The following RARB variants were observed in gnomAD, a reference collection of about 807,000 sequenced individuals.
RARB encodes the protein HBV-activated protein.
Under a neutral mutation model 51.9 loss-of-function variants are expected in RARB, and 17 were observed. That is an observed-to-expected ratio of 0.33 (90% CI 0.22 to 0.49). The LOEUF (loss-of-function observed/expected upper bound fraction) is 0.49, where lower values mean the gene tolerates loss of function less well. RARB is among the 20% of genes least tolerant of loss of function. The pLI is 0.99. For synonymous variants in RARB, 215 were observed against 195.4 expected, an observed-to-expected ratio of 1.10 and a Z score of -0.84; for missense variants, 369 against 550.8, an observed-to-expected ratio of 0.67 and a Z score of 3.30.
At chr3:25,052,882 T>C (rs1321106027) in intron 2 of RARB, among the ~76,000 whole-genome samples, 2 of 148,470 alleles carry the variant, frequency 1.3e-5, no homozygotes, top group Non-Finnish European at 3.0e-5. Context: ...GGTAAAAAAG[T>C]CATAGAAAAA....
intron 2 of RARB, among the ~76,000 whole-genome samples, chr3:24,892,361 C>T (rs1191080058): frequency 1.3e-5 from 2 of 152,084 alleles, no homozygotes; most frequent in East Asian, 1.9e-4. Flanking sequence ...CTGAATCTAT[C>T]ACTAAAGACT....
chr3:25,516,068 C>T (rs1477109675), intron 3 of RARB, among the ~76,000 whole-genome samples: 1 of 152,168 alleles, frequency 6.6e-6, no homozygotes, highest in Non-Finnish European at 1.5e-5. Flanking sequence ...TTCACTTCAG[C>T]TTTGAATGTG....
rs76422631 is a variant in RARB at position 25,192,710 on chromosome 3, T to C, written c.178+18135T>C. Among the ~76,000 whole-genome samples the C allele has an allele frequency of 2.2e-3, 334 of 152,076 alleles. 2 individuals are homozygous for C. The highest frequency in any genetic ancestry group is 0.02 in the East Asian group (105 of 5,152). The stretch of plus-strand genomic sequence containing the variant: ...TTGGCATCTGTACTGCCTCAGACAA[T>C]CCTGAACCACAAAACACACAGACAC... On this transcript the variant is annotated intron_variant, in intron 5 of 11. Transcript: ENST00000383772.
intron 5 of RARB, among the ~76,000 whole-genome samples, chr3:25,245,284 G>A (rs540606655): frequency 4.5e-4 from 69 of 152,014 alleles, no homozygotes; most frequent in Non-Finnish European, 8.5e-4. Context: ...CTTTTAATTG[G>A]GGCATTTAGC....
intron 5 of RARB, among the ~76,000 whole-genome samples, chr3:25,210,529 CTTTTTTTTTTT>C (rs773846113): frequency 0.036 from 982 of 27,660 alleles, 134 homozygotes; most frequent in East Asian, 0.15. Flanking sequence ...TTATCTGATT[CTTTTTTTTTTT>C]TTTTTTTTTT....
At chr3:25,050,527 A>G (rs1698309350) in intron 2 of RARB, among the ~76,000 whole-genome samples, 4 of 152,216 alleles carry the variant, frequency 2.6e-5, no homozygotes, top group Admixed American at 2.6e-4. Context: ...ACGAAGTCAA[A>G]TAGTTCTATA....
intron 5 of RARB, among the ~76,000 whole-genome samples, chr3:25,208,095 A>G (rs1575220891): frequency 1.3e-5 from 2 of 152,144 alleles, no homozygotes; most frequent in Non-Finnish European, 2.9e-5. Flanking sequence ...TCATTATTGC[A>G]AGGACAGTGC....
At chr3:25,528,331 C>T (rs1365136633) in intron 3 of RARB, among the ~76,000 whole-genome samples, 2 of 152,120 alleles carry the variant, frequency 1.3e-5, no homozygotes, top group African/African-American at 2.4e-5. Flanking sequence ...TCAGATGTGC[C>T]CTCCTGAGTC....
intron 2 of RARB, among the ~76,000 whole-genome samples, chr3:25,470,910 T>C (rs968339889): frequency 6.6e-6 from 1 of 152,220 alleles, no homozygotes; most frequent in Non-Finnish European, 1.5e-5. Context: ...GCCTTATTAC[T>C]AGGGCTTTGC....
intron 3 of RARB, among the ~76,000 whole-genome samples, chr3:25,085,952 G>A (rs533840014): frequency 6.6e-6 from 1 of 152,162 alleles, no homozygotes; most frequent in Non-Finnish European, 1.5e-5. Flanking sequence ...ACCTAAAATG[G>A]ATGATCTAGG....
intron 5 of RARB, among the ~76,000 whole-genome samples, chr3:25,347,534 A>G (rs1158147561): frequency 1.3e-5 from 2 of 152,200 alleles, no homozygotes. Context: ...CTATCTTATT[A>G]TTACTTTCTT....
rs183600137 is a variant in RARB at position 25,021,568 on chromosome 3, T to C, written c.-379-38557T>C. Among the ~76,000 whole-genome samples, 10 of 152,274 alleles carry C rather than the reference T, an allele frequency of 6.6e-5. No homozygotes were observed. In the East Asian group the frequency reaches 1.7e-3, roughly 26 times the overall value. On this transcript the variant is annotated intron_variant, in intron 2 of 11. Transcript: ENST00000383772. The stretch of plus-strand genomic sequence containing the variant: ...GTGGTTTGAAGACTTAGTAATGGGC[T>C]TATATACCTAGTTTATTGCAACCAG...
intron 3 of RARB, among the ~76,000 whole-genome samples, chr3:25,568,552 C>G (rs987317016): frequency 6.6e-6 from 1 of 152,022 alleles, no homozygotes; most frequent in Non-Finnish European, 1.5e-5. Context: ...TCACCACTTC[C>G]TCTCTCCTCC....
chr3:24,877,798 C>T (rs575412890), intron 2 of RARB, among the ~76,000 whole-genome samples: 1 of 152,268 alleles, frequency 6.6e-6, no homozygotes, highest in East Asian at 1.9e-4. Context: ...TGAAATGATC[C>T]TCAGGTCACC....
At chr3:24,920,613 G>T (rs1323025744) in intron 2 of RARB, among the ~76,000 whole-genome samples, 1 of 152,120 alleles carries the variant, frequency 6.6e-6, no homozygotes, top group Non-Finnish European at 1.5e-5. Flanking sequence ...CAGAACACTT[G>T]GCAGCTGCCC....
chr3:25,489,116 T>C (rs1212355040), intron 2 of RARB, among the ~76,000 whole-genome samples: 4 of 152,244 alleles, frequency 2.6e-5, no homozygotes, highest in Non-Finnish European at 5.9e-5. Context: ...GAGTGTATTT[T>C]CATATAGCAT....
rs150794436 is a variant in RARB at position 25,540,634 on chromosome 3, G to A, written c.449-29124G>A. Among the ~76,000 whole-genome samples, 687 of 152,294 alleles carry A rather than the reference G, an allele frequency of 4.5e-3. 8 individuals carry two copies. Among genetic ancestry groups the A allele is most frequent in the African/African-American group, 0.015 (638 of 41,556 alleles). On this transcript the variant is annotated intron_variant, in intron 3 of 7. Coordinates refer to ENST00000330688, the MANE Select transcript of RARB (RefSeq NM_000965.5). ...CAGCTTCTGATGACATGGTCACAGC[G>A]TCCTATAACCACTAAGGTGAGACAT...
intron 5 of RARB, among the ~76,000 whole-genome samples, chr3:25,317,084 T>TATTATAAGTATTATAA (rs57085183): frequency 6.6e-6 from 1 of 151,646 alleles, no homozygotes; most frequent in Non-Finnish European, 1.5e-5. Flanking sequence ...TTATAAGTCG[T>TATTATAAGTATTATAA]GTAAAAGAAT....
chr3:24,887,237 G>A (rs1381857422), intron 2 of RARB, among the ~76,000 whole-genome samples: 2 of 152,160 alleles, frequency 1.3e-5, no homozygotes, highest in Non-Finnish European at 2.9e-5. Context: ...CAAGGCGGCG[G>A]GGTGGAGAGA....
Sources: gnomAD v4.1 joint callset for allele counts (sites outside exome capture counted in the v4.1 genomes callset) on GRCh38, gnomAD v4.1.1 for gene constraint, MANE v1.5 for transcripts, NCBI Gene and HGNC (gene_info 2026-07-23, HGNC 2026-07-21) for gene names.